Variants in IMPG1 observed in about 807,000 individuals in gnomAD.
IMPG1 encodes interphotoreceptor matrix proteoglycan of 150 kDa.
Under a neutral mutation model 92.0 loss-of-function variants are expected in IMPG1, and 85 were observed. The ratio of observed to expected loss-of-function variants is 0.92; its 90% CI spans 0.78 to 1.11. The LOEUF (loss-of-function observed/expected upper bound fraction) is 1.11, where lower values mean the gene tolerates loss of function less well. Among genes scored for constraint, IMPG1 ranks in the 50% least tolerant of loss-of-function variants. The probability of loss-of-function intolerance (pLI) is 0.00; values close to 1 mark genes in which losing one functional copy is unlikely to be tolerated. For missense variants in IMPG1, 1,022 were observed against 956.0 expected (o/e 1.07, Z -0.91); for synonymous variants, 367 against 334.1 (o/e 1.10, Z -1.08).
At chr6:75,961,234 C>A (rs1219305936) in intron 12 of IMPG1, among the ~76,000 whole-genome samples, 1 of 152,178 alleles carries the variant, frequency 6.6e-6, no homozygotes, top group Admixed American at 6.5e-5. Flanking sequence ...TTATTCATGT[C>A]AAAAACTCTC....
intron 14 of IMPG1, among the ~76,000 whole-genome samples, chr6:75,941,529 T>G (rs1327617142): frequency 6.6e-6 from 1 of 152,230 alleles, no homozygotes; most frequent in Non-Finnish European, 1.5e-5. Context: ...CTACATAATT[T>G]TTGCCTTTTG....
At chr6:75,956,111 T>A (rs1175356158) in intron 12 of IMPG1, among the ~76,000 whole-genome samples, 1 of 152,190 alleles carries the variant, frequency 6.6e-6, no homozygotes, top group Non-Finnish European at 1.5e-5. Flanking sequence ...GCTAGCCTCA[T>A]AAAATGAATT....
At chr6:75,942,500 A>T (rs577078895) in intron 14 of IMPG1, among the ~76,000 whole-genome samples, 56 of 152,144 alleles carry the variant, frequency 3.7e-4, no homozygotes, top group Non-Finnish European at 6.3e-4. Flanking sequence ...AAAAGTCCAC[A>T]CCAGCAATAG....
chr6:75,958,220 C>T (rs1782160519), intron 12 of IMPG1, among the ~76,000 whole-genome samples: 1 of 152,202 alleles, frequency 6.6e-6, no homozygotes, highest in Non-Finnish European at 1.5e-5. Flanking sequence ...TTGGTCCCCA[C>T]TCTCTTCTGG....
At chr6:75,962,878 TA>T (rs1274675614) in intron 12 of IMPG1, among the ~76,000 whole-genome samples, 2 of 151,720 alleles carry the variant, frequency 1.3e-5, no homozygotes, top group Non-Finnish European at 2.9e-5. Flanking sequence ...CCAACTCTAC[TA>T]AAAATACAAA....
At chr6:76,065,917 C>G (rs1784301349) in intron 1 of IMPG1, among the ~76,000 whole-genome samples, 2 of 152,032 alleles carry the variant, frequency 1.3e-5, no homozygotes, top group Admixed American at 6.6e-5. Context: ...GACTGAGGTC[C>G]TATTTTCAGA....
At chr6:76,008,612 T>A (rs2149478889) in intron 8 of IMPG1, among the ~76,000 whole-genome samples, 1 of 152,328 alleles carries the variant, frequency 6.6e-6, no homozygotes, top group East Asian at 1.9e-4. Context: ...TCATCCTCCC[T>A]CTTGCTTGTT....
chr6:75,948,369 GC>G (rs202229855), intron 13 of IMPG1, among the ~76,000 whole-genome samples: 3,166 of 152,162 alleles, frequency 0.021, 105 homozygotes, highest in African/African-American at 0.072. Flanking sequence ...CTGAAAGTGA[GC>G]CTCCTCATTC....
intron 2 of IMPG1, 134 bp downstream of exon 2, chr6:76,041,759 C>T: frequency 1.6e-6 from 1 of 638,504 alleles, no homozygotes; most frequent in Non-Finnish European, 2.8e-6. Flanking sequence ...ATCAGATTAT[C>T]ACTAGGTTGA....
At chr6:75,987,724 A>G (rs1782742265) in intron 12 of IMPG1, among the ~76,000 whole-genome samples, 1 of 151,220 alleles carries the variant, frequency 6.6e-6, no homozygotes, top group Admixed American at 6.6e-5. Flanking sequence ...CGCTCACTGC[A>G]AACTCCGCCT....
intron 8 of IMPG1, 139 bp from the exon 9 acceptor site, chr6:76,007,639 T>A (rs1783120496): frequency 3.4e-6 from 2 of 585,124 alleles, no homozygotes; most frequent in Non-Finnish European, 2.9e-6. Context: ...GTTCAGAGCT[T>A]TGAAAGATTC....
chr6:75,988,790 GGA>G (rs1782766903), intron 12 of IMPG1, among the ~76,000 whole-genome samples: 1 of 152,084 alleles, frequency 6.6e-6, no homozygotes, highest in African/African-American at 2.4e-5. Context: ...CTTCTCCCAG[GGA>G]AATGCCCAAG....
intron 12 of IMPG1, among the ~76,000 whole-genome samples, chr6:75,979,994 T>C (rs1782602073): frequency 6.6e-6 from 1 of 152,192 alleles, no homozygotes; most frequent in Non-Finnish European, 1.5e-5. Flanking sequence ...AATGAAAATC[T>C]GATTCCACAC....
At chr6:76,031,012 G>C (rs937584305) in intron 4 of IMPG1, among the ~76,000 whole-genome samples, 1 of 152,084 alleles carries the variant, frequency 6.6e-6, no homozygotes, top group Non-Finnish European at 1.5e-5. Context: ...AGTTAGGTGA[G>C]TGTCCCTGCT....
rs1244388692 is a variant in IMPG1, at chr6:76,002,958, G to A, written c.1251C>T (p.Pro417=). ...CTGCTCCGTCCACTGTCTCAAGCTGGGGTTCAACAGGAGGAAGTTCTGGAC... is the reference window on the plus strand; with the variant it reads ...CTGCTCCGTCCACTGTCTCAAGCTGAGGTTCAACAGGAGGAAGTTCTGGAC... ...TLSPELPPVE[P]QLETVDGAEH... The change falls in exon 12 of 17, where the codon CCC becomes CCT. Residue 417 remains proline, a synonymous_variant. Transcript: ENST00000369950. 1.2e-6 allele frequency: 2 copies of A among 1,613,688 alleles called. No individual in the cohort carries two copies. Among genetic ancestry groups the A allele is most frequent in the Admixed American group, 3.3e-5 (2 of 59,966 alleles).
chr6:76,036,448 A>G (rs1004245356), intron 2 of IMPG1, among the ~76,000 whole-genome samples: 1 of 152,218 alleles, frequency 6.6e-6, no homozygotes, highest in Admixed American at 6.5e-5. Context: ...CCATCCATCA[A>G]TAAAAACTAA....
chr6:76,023,274 G>A lies in IMPG1; in HGVS notation c.563-1055C>T, dbSNP rs370834174. On this transcript the variant is annotated intron_variant, in intron 5 of 16. Coordinates refer to ENST00000369950, the MANE Select transcript of IMPG1 (RefSeq NM_001563.4). ...TCCTGCTGTGAGCAATTGGGATGGA[G>A]GTGTTCTGTGCTCTGGACTTCATCA... 2.6e-5 allele frequency among the ~76,000 whole-genome samples: 4 copies of A among 152,118 alleles called. No individual in the cohort carries two copies. In the East Asian group the frequency reaches 7.7e-4, roughly 29 times the overall value.
At chr6:75,938,810 TCAAAA>T (rs71002780) in intron 14 of IMPG1, among the ~76,000 whole-genome samples, 4,387 of 147,058 alleles carry the variant, frequency 0.03, 141 homozygotes, top group East Asian at 0.18. Flanking sequence ...AGGCTCCATC[TCAAAA>T]CAAAACAAAA....
intron 12 of IMPG1, among the ~76,000 whole-genome samples, chr6:75,982,511 G>A (rs36076669): frequency 0.3 from 44,246 of 149,504 alleles, 8,247 homozygotes; most frequent in South Asian, 0.42. Context: ...GGGTGACAGA[G>A]CGAGACTCTA....
Sources: allele counts gnomAD v4.1 joint callset (sites outside exome capture counted in the v4.1 genomes callset), GRCh38; gene constraint gnomAD v4.1.1; transcripts MANE v1.5; gene names NCBI Gene and HGNC (gene_info 2026-07-23, HGNC 2026-07-21).